PDIA5: variants seen among roughly 807,000 people sequenced by gnomAD.
The protein encoded by PDIA5 is protein disulfide-isomerase A5.
PDIA5 carries 58 observed loss-of-function variants against 77.6 expected under a neutral mutation model. The observed-to-expected ratio is 0.75, with a 90% confidence interval of 0.61 to 0.93. PDIA5 has a LOEUF of 0.93. Ranked by LOEUF, PDIA5 falls within the 40% of genes least tolerant of loss-of-function variation. PDIA5 has a pLI of 0.00. For missense variants in PDIA5, 630 were observed against 647.7 expected, an observed-to-expected ratio of 0.97 and a Z score of 0.30; for synonymous variants, 250 against 252.1, an observed-to-expected ratio of 0.99 and a Z score of 0.08.
chr3:123,130,993 C>T (rs1935358661), intron 11 of PDIA5, among the ~76,000 whole-genome samples: 1 of 152,152 alleles, frequency 6.6e-6, no homozygotes, highest in Admixed American at 6.5e-5. Context: ...GGGCTGATAC[C>T]TCATATGGGG....
chr3:123,107,455 C>T (rs944467156), intron 6 of PDIA5, among the ~76,000 whole-genome samples: 4 of 152,018 alleles, frequency 2.6e-5, no homozygotes, highest in African/African-American at 7.2e-5. Context: ...CTCAGGAGGC[C>T]GAGGCAGGAG....
chr3:123,087,999 G>C (rs919932388), intron 1 of PDIA5, among the ~76,000 whole-genome samples: 11 of 152,234 alleles, frequency 7.2e-5, no homozygotes, highest in Non-Finnish European at 1.3e-4. Flanking sequence ...GATGCTGGGG[G>C]CTGGGAGCTT....
chr3:123,120,455 C>T (rs553979638), intron 8 of PDIA5, among the ~76,000 whole-genome samples: 1 of 152,370 alleles, frequency 6.6e-6, no homozygotes, highest in South Asian at 2.1e-4. Context: ...CTGATCCCCT[C>T]TCTTCCCTAC....
At chr3:123,111,460 C>A (rs1934863512) in intron 7 of PDIA5, among the ~76,000 whole-genome samples, 1 of 152,256 alleles carries the variant, frequency 6.6e-6, no homozygotes, top group African/African-American at 2.4e-5. Context: ...CAGGTGCCAC[C>A]TGGGAGGAGC....
intron 11 of PDIA5, among the ~76,000 whole-genome samples, chr3:123,133,418 A>G (rs1935416836): frequency 6.6e-6 from 1 of 152,230 alleles, no homozygotes; most frequent in South Asian, 2.1e-4. Flanking sequence ...AACATAGCAG[A>G]CCACAGCTTC....
chr3:123,139,411 C>T (rs1935573778), intron 11 of PDIA5, among the ~76,000 whole-genome samples: 1 of 152,202 alleles, frequency 6.6e-6, no homozygotes, highest in Admixed American at 6.5e-5. Context: ...TGGCCAGGCT[C>T]CTCATCTTAA....
At chr3:123,102,588 T>G in intron 4 of PDIA5, 94 bp downstream of exon 4, 1 of 1,107,730 alleles carries the variant, frequency 9.0e-7, no homozygotes, top group African/African-American at 1.6e-5. Context: ...AGATTAATTT[T>G]ATTTCAGAAT....
In PDIA5 at chr3:123,077,549, T is replaced by TACAC. The variant is rs368009624; in HGVS notation, c.42+10375_42+10378dup. On this transcript the variant is annotated intron_variant, in intron 1 of 16. Transcript: ENST00000316218. ...AGCCTCTTCTCCCACCTCACACACA[T>TACAC]ACACACACACACACACACACACACA... Among the ~76,000 whole-genome samples, 609 of 136,510 alleles carry TACAC rather than the reference T, an allele frequency of 4.5e-3. 2 individuals carry two copies. The highest frequency in any genetic ancestry group is 8.8e-3 in the East Asian group (40 of 4,532). The allele number at this position is 136,510 out of a possible 152,430, so 89.6% of individuals were successfully genotyped here. A position where few individuals can be genotyped will look rare whatever the true frequency, so the allele number is the denominator to read the frequency against.
At chr3:123,102,531 T>A (rs1934627133) in intron 4 of PDIA5, 37 bp downstream of exon 4, 1 of 1,471,694 alleles carries the variant, frequency 6.8e-7, no homozygotes, top group Admixed American at 1.7e-5. Flanking sequence ...TCCAAGTAAG[T>A]GCCAAATGCT....
intron 15 of PDIA5, among the ~76,000 whole-genome samples, chr3:123,158,991 A>G (rs1936086559): frequency 6.6e-6 from 1 of 152,238 alleles, no homozygotes; most frequent in African/African-American, 2.4e-5. Context: ...TGCAGCTAGA[A>G]GTTGCATTCC....
intron 15 of PDIA5, among the ~76,000 whole-genome samples, chr3:123,159,509 G>A (rs1299186068): frequency 6.6e-6 from 1 of 152,242 alleles, no homozygotes; most frequent in African/African-American, 2.4e-5. Flanking sequence ...TGTCACCTGT[G>A]AGACTGCAGG....
intron 3 of PDIA5, among the ~76,000 whole-genome samples, chr3:123,096,133 C>T (rs1560509739): frequency 2.0e-5 from 3 of 152,178 alleles, no homozygotes; most frequent in East Asian, 3.9e-4. Flanking sequence ...TTTCTCTCCC[C>T]TTATTAGGTT....
At chr3:123,111,642 A>G (rs1461337630) in intron 7 of PDIA5, among the ~76,000 whole-genome samples, 3 of 152,196 alleles carry the variant, frequency 2.0e-5, no homozygotes, top group South Asian at 2.1e-4. Context: ...GTCCTTCCTC[A>G]CTAGGTCTCA....
intron 1 of PDIA5, among the ~76,000 whole-genome samples, chr3:123,084,366 T>C (rs1482962827): frequency 2.0e-5 from 3 of 152,066 alleles, no homozygotes; most frequent in African/African-American, 7.2e-5. Flanking sequence ...CCTTTGGCCC[T>C]GTCCCAGCCT....
At chr3:123,108,353 T>TCAC (rs1934785513) in intron 6 of PDIA5, among the ~76,000 whole-genome samples, 1 of 150,204 alleles carries the variant, frequency 6.7e-6, no homozygotes, top group African/African-American at 2.4e-5. Flanking sequence ...TGATCTTGGC[T>TCAC]CACTGCAGCC....
At chr3:123,122,789 T>A (rs1343492917) in intron 8 of PDIA5, among the ~76,000 whole-genome samples, 1 of 152,226 alleles carries the variant, frequency 6.6e-6, no homozygotes, top group Non-Finnish European at 1.5e-5. Context: ...CTGAAACGGT[T>A]ATTTATTTTC....
At chr3:123,086,073 G>A (rs1576435849) in intron 1 of PDIA5, among the ~76,000 whole-genome samples, 2 of 152,124 alleles carry the variant, frequency 1.3e-5, no homozygotes, top group East Asian at 3.9e-4. Flanking sequence ...TCATTCCTTG[G>A]CTTCCTCCTG....
At chr3:123,155,579 G>A (rs1936004107) in intron 15 of PDIA5, among the ~76,000 whole-genome samples, 1 of 152,262 alleles carries the variant, frequency 6.6e-6, no homozygotes, top group Non-Finnish European at 1.5e-5. Flanking sequence ...AGCTGGTGCA[G>A]TGGGGGCTTC....
intron 8 of PDIA5, among the ~76,000 whole-genome samples, chr3:123,121,206 T>C (rs1038822171): frequency 6.6e-6 from 1 of 152,218 alleles, no homozygotes; most frequent in East Asian, 1.9e-4. Flanking sequence ...TTGCCTCCAG[T>C]TCCCCATCCC....
Sources: gnomAD v4.1 joint callset for allele counts (sites outside exome capture counted in the v4.1 genomes callset) on GRCh38, gnomAD v4.1.1 for gene constraint, MANE v1.5 for transcripts, NCBI Gene and HGNC (gene_info 2026-07-23, HGNC 2026-07-21) for gene names.